Variants in LDAH observed in about 807,000 individuals in gnomAD.
LDAH encodes lipid droplet associated hydrolase.
Under a neutral mutation model 29.6 loss-of-function variants are expected in LDAH, and 26 were observed. The ratio of observed to expected loss-of-function variants is 0.88; its 90% CI spans 0.64 to 1.22. The LOEUF is 1.22. LDAH is among the 50% of genes most tolerant of loss of function. LDAH has a pLI of 0.00. For missense variants in LDAH, 344 were observed against 387.3 expected (o/e 0.89, Z 0.94); for synonymous variants, 117 against 133.0 (o/e 0.88, Z 0.83).
chr2:20,722,377 C>CAAAA (rs141440507), intron 5 of LDAH, among the ~76,000 whole-genome samples: 770 of 70,692 alleles, frequency 0.011, 19 homozygotes, highest in East Asian at 0.017. Flanking sequence ...GAAACTGTCT[C>CAAAA]AAAAAAAAAA....
chr2:20,811,623 G>A (rs1004288040), intron 1 of LDAH, among the ~76,000 whole-genome samples: 1 of 151,322 alleles, frequency 6.6e-6, no homozygotes, highest in African/African-American at 2.4e-5. Context: ...TAGCTGGGAC[G>A]ACAGGCGCCT....
intron 4 of LDAH, among the ~76,000 whole-genome samples, chr2:20,773,748 G>A (rs1379641929): frequency 1.3e-5 from 2 of 152,190 alleles, no homozygotes; most frequent in East Asian, 1.9e-4. Flanking sequence ...AAGCAAGCAG[G>A]TGAAGCTGGC....
At chr2:20,710,606 G>GTGTGTATATATATATATATA (rs1467950593) in intron 5 of LDAH, among the ~76,000 whole-genome samples, 1 of 131,874 alleles carries the variant, frequency 7.6e-6, no homozygotes, top group African/African-American at 2.8e-5. Flanking sequence ...GTGTGTGTGT[G>GTGTGTATATATATATATATA]TATATATATA....
At chr2:20,728,565 GA>G (rs1666179809) in intron 5 of LDAH, among the ~76,000 whole-genome samples, 1 of 152,162 alleles carries the variant, frequency 6.6e-6, no homozygotes, top group Non-Finnish European at 1.5e-5. Context: ...CTCTTTGTGG[GA>G]AGCAAGGTAC....
At chr2:20,718,797 G>T (rs938634821) in intron 5 of LDAH, among the ~76,000 whole-genome samples, 1 of 152,010 alleles carries the variant, frequency 6.6e-6, no homozygotes, top group Non-Finnish European at 1.5e-5. Flanking sequence ...TAAAAGAATA[G>T]AAATCATATT....
In LDAH at chr2:20,698,417, C is replaced by T. The variant is rs1323771476; in HGVS notation, c.786+3153G>A. ...GACAAAATAACCTATAGGCCGGGCGCAGTGGCTCATGCCTGTAATCCCAGC... is the reference window on the plus strand; with the variant it reads ...GACAAAATAACCTATAGGCCGGGCGTAGTGGCTCATGCCTGTAATCCCAGC... On this transcript the variant is annotated intron_variant, in intron 6 of 6. Transcript: ENST00000237822. The surrounding 1 kb of genome is among the most constrained non-coding windows in gnomAD (Gnocchi z 4.4). Among the ~76,000 whole-genome samples the T allele has an allele frequency of 6.6e-6, 1 of 152,202 alleles. No homozygotes were observed. The highest frequency in any genetic ancestry group is 1.5e-5 in the Non-Finnish European group (1 of 68,042).
At chr2:20,785,477 G>A (rs1216775782) in intron 3 of LDAH, among the ~76,000 whole-genome samples, 1 of 152,120 alleles carries the variant, frequency 6.6e-6, no homozygotes, top group Non-Finnish European at 1.5e-5. Context: ...TCAAGATTTT[G>A]TCTTTGGCTT....
intron 3 of LDAH, among the ~76,000 whole-genome samples, chr2:20,780,784 G>GT (rs923708266): frequency 4.5e-4 from 69 of 152,190 alleles, no homozygotes; most frequent in African/African-American, 1.6e-3. Context: ...CTGCACTTTG[G>GT]TTTTTTGCTC....
intron 4 of LDAH, among the ~76,000 whole-genome samples, chr2:20,751,123 G>A (rs1245178059): frequency 1.3e-5 from 2 of 152,144 alleles, no homozygotes; most frequent in Non-Finnish European, 2.9e-5. Flanking sequence ...ACCTGCACAT[G>A]TACCCCCGGT....
intron 1 of LDAH, among the ~76,000 whole-genome samples, chr2:20,808,524 C>T: frequency 6.6e-6 from 1 of 151,900 alleles, no homozygotes. Flanking sequence ...ATTAGCCGGG[C>T]GTGGTGGCGG....
intron 6 of LDAH, among the ~76,000 whole-genome samples, chr2:20,688,384 A>G (rs1218541130): frequency 7.9e-5 from 12 of 152,166 alleles, no homozygotes; most frequent in Non-Finnish European, 1.8e-4. Context: ...AGAGGCAGAG[A>G]GGGATGAGGT....
At chr2:20,768,414 C>T (rs986208470) in intron 4 of LDAH, among the ~76,000 whole-genome samples, 1 of 152,216 alleles carries the variant, frequency 6.6e-6, no homozygotes, top group Non-Finnish European at 1.5e-5. Flanking sequence ...CCTGGTCCAG[C>T]TGCAGCCTCA....
intron 4 of LDAH, among the ~76,000 whole-genome samples, chr2:20,748,651 A>AGAT (rs1558439499): frequency 6.6e-6 from 1 of 152,190 alleles, no homozygotes; most frequent in Non-Finnish European, 1.5e-5. Flanking sequence ...ATCTCTTAGG[A>AGAT]AGCACCTGTT....
intron 3 of LDAH, among the ~76,000 whole-genome samples, chr2:20,786,502 A>C (rs1670563642): frequency 6.6e-6 from 1 of 151,994 alleles, no homozygotes; most frequent in South Asian, 2.1e-4. Flanking sequence ...GGCTATGCTT[A>C]ATGTTTTCTG....
intron 5 of LDAH, among the ~76,000 whole-genome samples, chr2:20,714,490 G>A (rs996795184): frequency 1.6e-4 from 24 of 152,154 alleles, no homozygotes; most frequent in African/African-American, 5.8e-4. Flanking sequence ...GCAAGAGCAA[G>A]CAAATTCGAC....
intron 6 of LDAH, among the ~76,000 whole-genome samples, chr2:20,700,064 T>C (rs1163449798): frequency 6.6e-6 from 1 of 152,248 alleles, no homozygotes; most frequent in Admixed American, 6.5e-5. Flanking sequence ...AACTGAGAGT[T>C]GAGCTGTTTT....
chr2:20,784,478 T>C (rs888236841), intron 3 of LDAH, among the ~76,000 whole-genome samples: 1 of 152,200 alleles, frequency 6.6e-6, no homozygotes, highest in Non-Finnish European at 1.5e-5. Flanking sequence ...GTTTCTTCTT[T>C]GTTATACTTG....
chr2:20,787,061 G>A (rs1670604246), intron 3 of LDAH, among the ~76,000 whole-genome samples: 1 of 152,164 alleles, frequency 6.6e-6, no homozygotes, highest in South Asian at 2.1e-4. Context: ...GCTTGCAGAA[G>A]TTTGTTACTT....
chr2:20,800,043 T>C (rs1306300981), intron 2 of LDAH, among the ~76,000 whole-genome samples: 1 of 152,190 alleles, frequency 6.6e-6, no homozygotes, highest in Admixed American at 6.5e-5. Context: ...TTGTGGACCA[T>C]GTAATAAGCC....
Sources: allele counts gnomAD v4.1 joint callset (sites outside exome capture counted in the v4.1 genomes callset), GRCh38; gene constraint gnomAD v4.1.1; non-coding constraint Gnocchi (gnomAD v3.1); transcripts MANE v1.5; gene names NCBI Gene and HGNC (gene_info 2026-07-23, HGNC 2026-07-21).